The following MRC2 variants were observed in gnomAD, a reference collection of about 807,000 sequenced individuals.
MRC2 encodes mannose receptor C-type 2.
In MRC2, 84 loss-of-function variants were observed where a neutral mutation model predicts 206.2. The observed-to-expected ratio is 0.41, with a 90% CI of 0.34 to 0.49. The LOEUF is 0.49. Ranked by LOEUF, MRC2 falls within the 20% of genes least tolerant of loss-of-function variation. The pLI is 0.31. For synonymous variants in MRC2, 798 were observed against 800.0 expected, an observed-to-expected ratio of 1.00 and a Z score of 0.04; for missense variants, 1,676 against 2,001.5, an observed-to-expected ratio of 0.84 and a Z score of 3.10.
chr17:62,641,316 A>G lies in MRC2; in HGVS notation c.118+13396A>G, dbSNP rs1488788458. 3.0e-5 allele frequency among the ~76,000 whole-genome samples: 4 copies of G among 134,130 alleles called. No homozygotes were observed. The East Asian group carries it at 8.3e-4, about 28-fold the overall frequency. 88.0% of individuals were successfully genotyped at this position (134,130 alleles called of 152,430 possible). A position where few individuals can be genotyped will look rare whatever the true frequency, so the allele number is the denominator to read the frequency against. On this transcript the variant is annotated intron_variant, in intron 1 of 29. Coordinates refer to ENST00000303375, the MANE Select transcript of MRC2 (RefSeq NM_006039.5). ...GGCCAACAGACCGAGACTGTCTCAG[A>G]AAAAAAAAAAAAAAAAGAGAAGAAA... is the stretch of plus-strand genomic sequence containing the variant.
chr17:62,666,287 TG>T lies in MRC2; in HGVS notation c.694+25del. On this transcript the variant is annotated intron_variant, in intron 3 of 29. Transcript: ENST00000303375. This position sits in a 1 kb window ranked among gnomAD's most constrained non-coding sequence, Gnocchi z 5.0. Reference sequence around the variant, plus strand: ...TCAAGAGTGAGAGCTGTTGGAGCCGTGGGGGCGGGGGCAGTGTTCCTGGAGG... The same window carrying T: ...TCAAGAGTGAGAGCTGTTGGAGCCGTGGGGCGGGGGCAGTGTTCCTGGAGG... 1 of 1,559,132 alleles carries T rather than the reference TG, an allele frequency of 6.4e-7. No homozygotes were observed.
At chr17:62,637,546 A>AG (rs1431264838) in intron 1 of MRC2, among the ~76,000 whole-genome samples, 5 of 151,674 alleles carry the variant, frequency 3.3e-5, no homozygotes, top group East Asian at 1.9e-4. Context: ...AAAAAAAAAA[A>AG]AAAAGAAAAG....
intron 1 of MRC2, among the ~76,000 whole-genome samples, chr17:62,638,347 G>A (rs990597091): frequency 6.6e-6 from 1 of 151,890 alleles, no homozygotes; most frequent in African/African-American, 2.4e-5. Context: ...CAATGTACTA[G>A]AAAAAAATTC....
chr17:62,646,699 G>T (rs535102626), intron 1 of MRC2, among the ~76,000 whole-genome samples: 1 of 152,278 alleles, frequency 6.6e-6, no homozygotes, highest in Admixed American at 6.5e-5. Context: ...ATCTTCTTTG[G>T]TTTACTTGTT....
At chr17:62,689,323 C>T (rs2089072056) in intron 23 of MRC2, 199 bp from the exon 24 acceptor site, 1 of 583,134 alleles carries the variant, frequency 1.7e-6, no homozygotes. Context: ...TCAAGGCCCT[C>T]ACCTCCCTGT....
At chr17:62,676,233 AT>A in intron 10 of MRC2, 149 bp from the exon 11 acceptor site, 1 of 928,748 alleles carries the variant, frequency 1.1e-6, no homozygotes, top group Non-Finnish European at 1.6e-6. Context: ...GGTTCCATAA[AT>A]CAGCTGCAGG....
rs143992962 is a variant in MRC2, at chr17:62,648,085, C to T, written c.119-16463C>T. 1.2e-3 allele frequency among the ~76,000 whole-genome samples: 184 copies of T among 152,292 alleles called. 3 individuals carry two copies. Among genetic ancestry groups the T allele is most frequent in the Admixed American group, 8.6e-3 (131 of 15,302 alleles). On this transcript the variant is annotated intron_variant, in intron 1 of 29. Coordinates refer to ENST00000303375, the MANE Select transcript of MRC2 (RefSeq NM_006039.5). ...TAGAGCCTGAGTTCTCTTCACCACC[C>T]CATCAATTTTTAATTGATATTAGAG...
At chr17:62,638,204 AG>A (rs749502887) in intron 1 of MRC2, among the ~76,000 whole-genome samples, 4 of 152,180 alleles carry the variant, frequency 2.6e-5, no homozygotes, top group Non-Finnish European at 5.9e-5. Context: ...AAATGAGAAA[AG>A]AAAGACAAGT....
chr17:62,674,027 T>C, intron 8 of MRC2, 36 bp from the exon 9 acceptor site: 1 of 1,461,702 alleles, frequency 6.8e-7, no homozygotes, highest in Non-Finnish European at 9.4e-7. Flanking sequence ...TATGGGGAGG[T>C]GGGGGTTGAG....
intron 25 of MRC2, 46 bp from the exon 26 acceptor site, chr17:62,690,110 C>A: frequency 6.3e-7 from 1 of 1,580,392 alleles, no homozygotes; most frequent in Non-Finnish European, 8.6e-7. Flanking sequence ...CTGTCGGTGG[C>A]CCCGGGGAGG....
At chr17:62,686,572 C>T (rs372728642) in intron 20 of MRC2, among the ~76,000 whole-genome samples, 10 of 152,302 alleles carry the variant, frequency 6.6e-5, no homozygotes, top group Non-Finnish European at 1.0e-4. Flanking sequence ...CCTAAGAGGC[C>T]GGGGACCCCT....
In MRC2 at chr17:62,692,540, T is replaced by C; in HGVS notation, c.*89T>C. 1 of 1,348,270 alleles carries C rather than the reference T, an allele frequency of 7.4e-7. No homozygotes were observed. The highest frequency in any genetic ancestry group is 1.0e-6 in the Non-Finnish European group (1 of 987,440). The allele number at this position is 1,348,270 out of a possible 1,614,324, so 83.5% of individuals were successfully genotyped here. A position where few individuals can be genotyped will look rare whatever the true frequency, so the allele number is the denominator to read the frequency against. ...GGCCCCCCACCAGCTGCCTGTCCAG[T>C]TGGCCTATGGAAGGGTGCCCTTGGG... On this transcript the variant is annotated 3_prime_UTR_variant, in exon 30 of 30. Coordinates refer to ENST00000303375, the MANE Select transcript of MRC2 (RefSeq NM_006039.5). This position sits in a 1 kb window ranked among gnomAD's most constrained non-coding sequence, Gnocchi z 4.2.
intron 1 of MRC2, among the ~76,000 whole-genome samples, chr17:62,632,760 C>T (rs922388419): frequency 1.1e-4 from 16 of 152,168 alleles, no homozygotes; most frequent in Admixed American, 9.8e-4. Flanking sequence ...GGTGACAAAT[C>T]CCAGATTGGA....
chr17:62,642,026 CATA>C (rs1029523041), intron 1 of MRC2, among the ~76,000 whole-genome samples: 1 of 152,136 alleles, frequency 6.6e-6, no homozygotes, highest in Non-Finnish European at 1.5e-5. Flanking sequence ...ACTATGTAAC[CATA>C]ATATCTAATC....
chr17:62,666,607 A>G lies in MRC2; in HGVS notation c.847A>G (p.Thr283Ala). The change falls in exon 4 of 30, where the codon ACC becomes GCC. Residue 283 changes from threonine (T) to alanine (A), a missense_variant. By Grantham distance (58) the Thr-to-Ala change is moderately conservative. Coordinates refer to ENST00000303375, the MANE Select transcript of MRC2 (RefSeq NM_006039.5). This position sits in a 1 kb window ranked among gnomAD's most constrained non-coding sequence, Gnocchi z 5.0. ...LLSITEIHEQ[T>A]YINGLLTGYS... ...GAGCATCACGGAGATCCACGAGCAG[A>G]CCTACATCAACGGTGAGCCGGGGCC... The G allele has an allele frequency of 1.9e-6, 3 of 1,586,106 alleles. No homozygotes were observed. In the African/African-American group the frequency reaches 4.0e-5, roughly 21 times the overall value.
At chr17:62,632,252 C>T (rs1246579063) in intron 1 of MRC2, among the ~76,000 whole-genome samples, 2 of 152,024 alleles carry the variant, frequency 1.3e-5, no homozygotes, top group Non-Finnish European at 2.9e-5. Context: ...CAGATTGGGT[C>T]GACCCCCTCA....
intron 14 of MRC2, 46 bp downstream of exon 14, chr17:62,679,948 TGGGCGGGGCCTGTTTG>T (rs763079757): frequency 7.9e-5 from 88 of 1,116,172 alleles, no homozygotes; most frequent in Admixed American, 1.6e-4. Context: ...GGGAGCTTGG[TGGGCGGGGCCTGTTTG>T]GGGCGGGGCC....
Position 62,690,200 on chromosome 17 carries a change from C to G in MRC2, c.3787C>G (p.Gln1263Glu). 1.2e-6 allele frequency: 2 copies of G among 1,612,082 alleles called. No homozygotes were observed. Among genetic ancestry groups the G allele is most frequent in the Middle Eastern group, 1.7e-4 (1 of 6,054 alleles). ...RRISYHGSCP[Q>E]GLADSAWIPF... ...AATAAGCTACCATGGCAGCTGTCCC[C>G]AGGGACTGGCAGACTCCGCGTGGAT... The change falls in exon 26 of 30, where the codon CAG (glutamine) becomes GAG (glutamate). Residue 1263 changes from glutamine (Q) to glutamate (E), a missense_variant. Gln to Glu is a conservative substitution (Grantham distance 29). Transcript: ENST00000303375.
intron 1 of MRC2, among the ~76,000 whole-genome samples, chr17:62,639,916 C>G (rs1005446074): frequency 6.6e-6 from 1 of 151,564 alleles, no homozygotes; most frequent in Non-Finnish European, 1.5e-5. Context: ...TGCAATGGCT[C>G]GATCTTGGCT....
Sources: allele counts gnomAD v4.1 joint callset (sites outside exome capture counted in the v4.1 genomes callset), GRCh38; gene constraint gnomAD v4.1.1; non-coding constraint Gnocchi (gnomAD v3.1); transcripts MANE v1.5; gene names NCBI Gene and HGNC (gene_info 2026-07-23, HGNC 2026-07-21).